PCDHGA4: variants seen among roughly 807,000 people sequenced by gnomAD.
PCDHGA4 encodes the protein protocadherin gamma subfamily A, 4.
In PCDHGA4, 38 loss-of-function variants were observed where a neutral mutation model predicts 54.6. The observed-to-expected ratio is 0.70, with a 90% confidence interval of 0.54 to 0.91. The LOEUF (loss-of-function observed/expected upper bound fraction) is 0.91. Ranked by LOEUF, PCDHGA4 falls within the 40% of genes least tolerant of loss-of-function variation. The probability of loss-of-function intolerance (pLI) is 0.00; values close to 1 mark genes in which losing one functional copy is unlikely to be tolerated. For synonymous variants in PCDHGA4, 511 were observed against 512.9 expected (o/e 1.00, Z 0.05); for missense variants, 1,298 against 1,220.9 (o/e 1.06, Z -0.94).
At chr5:141,421,474 G>T (rs1320526226) in intron 1 of PCDHGA4, 3 of 1,614,014 alleles carry the variant, frequency 1.9e-6, no homozygotes, top group African/African-American at 2.7e-5. Flanking sequence ...TCCGCGAAGC[G>T]GCAGCTTGAT....
chr5:141,453,888 C>T (rs1273180395), intron 1 of PCDHGA4, among the ~76,000 whole-genome samples: 2 of 152,198 alleles, frequency 1.3e-5, no homozygotes, highest in East Asian at 1.9e-4. Flanking sequence ...TGTGGCCAAT[C>T]ACATGACTTC....
chr5:141,474,908 T>C (rs1016814167), intron 1 of PCDHGA4, among the ~76,000 whole-genome samples: 7 of 152,242 alleles, frequency 4.6e-5, no homozygotes, highest in African/African-American at 1.4e-4. Flanking sequence ...TGTTCAAGGA[T>C]ATACATCTCA....
In PCDHGA4 at chr5:141,486,600, C is replaced by G. The variant is rs748395954; in HGVS notation, c.2515-8207C>G. Reference sequence around the variant, plus strand: ...AATCGCCCAGGGGACCTGCTTTGCTCCCTTGCAGCCTCTGACCCAGACTCT... The same window carrying G: ...AATCGCCCAGGGGACCTGCTTTGCTGCCTTGCAGCCTCTGACCCAGACTCT... On this transcript the variant is annotated intron_variant, in intron 1 of 3. Transcript: ENST00000571252. This position sits in a 1 kb window ranked among gnomAD's most constrained non-coding sequence, Gnocchi z 5.0. 21 of 1,613,602 alleles carry G rather than the reference C, an allele frequency of 1.3e-5. No individual in the cohort carries two copies. Among genetic ancestry groups the G allele is most frequent in the South Asian group, 2.2e-5 (2 of 91,086 alleles).
intron 1 of PCDHGA4, among the ~76,000 whole-genome samples, chr5:141,460,807 A>G (rs2098998307): frequency 6.6e-6 from 1 of 151,962 alleles, no homozygotes; most frequent in Non-Finnish European, 1.5e-5. Context: ...ATATATATGT[A>G]TGTATACATA....
At chr5:141,497,742 T>C (rs2099779149) in intron 2 of PCDHGA4, among the ~76,000 whole-genome samples, 1 of 152,128 alleles carries the variant, frequency 6.6e-6, no homozygotes, top group South Asian at 2.1e-4. Context: ...TTTCGCCACG[T>C]TGGCCAGGCT....
chr5:141,487,029 T>C lies in PCDHGA4; in HGVS notation c.2515-7778T>C. 1.2e-6 allele frequency: 2 copies of C among 1,614,226 alleles called. No individual in the cohort carries two copies. Among genetic ancestry groups the C allele is most frequent in the Non-Finnish European group, 1.7e-6 (2 of 1,180,040 alleles). ...CTGGAGGCCCCAGATCCCAGCCTGT[T>C]TGCAGTCTCTCGATATGCTGGGGAG... is the stretch of plus-strand genomic sequence containing the variant. On this transcript the variant is annotated intron_variant, in intron 1 of 3. Coordinates refer to ENST00000571252, the MANE Select transcript of PCDHGA4 (RefSeq NM_018917.4). The surrounding 1 kb of genome is among the most constrained non-coding windows in gnomAD (Gnocchi z 5.0).
intron 1 of PCDHGA4, chr5:141,366,251 A>T: frequency 6.2e-7 from 1 of 1,613,620 alleles, no homozygotes; most frequent in East Asian, 2.2e-5. Flanking sequence ...GCTCAAGCAG[A>T]GCCTCGTGGT....
intron 1 of PCDHGA4, chr5:141,399,780 A>C (rs1444494014): frequency 6.2e-7 from 1 of 1,613,170 alleles, no homozygotes; most frequent in Non-Finnish European, 8.5e-7. Flanking sequence ...TGGGCGACCG[A>C]AACGACAACG....
intron 1 of PCDHGA4, chr5:141,382,944 G>A (rs375823415): frequency 6.3e-7 from 1 of 1,596,888 alleles, no homozygotes; most frequent in Non-Finnish European, 8.6e-7. Flanking sequence ...GATTCTTCCT[G>A]CTCTCCATCC....
rs1452737362 is a variant in PCDHGA4, at chr5:141,432,324, A to G, written c.2515-62483A>G. On this transcript the variant is annotated intron_variant, in intron 1 of 3. Transcript: ENST00000571252. The surrounding 1 kb of genome is among the most constrained non-coding windows in gnomAD (Gnocchi z 6.0). ...CTGTATGCGCTGAGCTCCTTCGACTACGAGCAGTTCCGAGACTTGCAAGTG... is the reference window on the plus strand; with the variant it reads ...CTGTATGCGCTGAGCTCCTTCGACTGCGAGCAGTTCCGAGACTTGCAAGTG... 3 of 1,614,058 alleles carry G rather than the reference A, an allele frequency of 1.9e-6. No homozygotes were observed. The highest frequency in any genetic ancestry group is 2.7e-5 in the African/African-American group (2 of 74,910).
At chr5:141,417,068 T>C (rs1433034146) in intron 1 of PCDHGA4, 1 of 152,154 alleles carries the variant, frequency 6.6e-6, no homozygotes, top group African/African-American at 2.4e-5. Context: ...ATTGTAGCTA[T>C]TGTGAGAAAA....
chr5:141,376,685 T>TTGTTTGTTTG (rs1554084826), intron 1 of PCDHGA4: 2 of 813,646 alleles, frequency 2.5e-6, no homozygotes, highest in African/African-American at 3.8e-5. Flanking sequence ...CGTTTTTTTT[T>TTGTTTGTTTG]TTTTTTTTTT....
intron 1 of PCDHGA4, chr5:141,398,722 A>T: frequency 1.9e-6 from 3 of 1,613,816 alleles, no homozygotes; most frequent in Non-Finnish European, 2.5e-6. Context: ...ACTGGAGAAA[A>T]CCTTAGACCG....
At chr5:141,370,696 C>T in intron 1 of PCDHGA4, 2 of 1,613,694 alleles carry the variant, frequency 1.2e-6, no homozygotes, top group Non-Finnish European at 1.7e-6. Context: ...AAGAAGTCGA[C>T]GTGTGTTCTG....
intron 1 of PCDHGA4, chr5:141,371,505 A>G: frequency 6.2e-7 from 1 of 1,613,908 alleles, no homozygotes; most frequent in Non-Finnish European, 8.5e-7. Flanking sequence ...CCTGATCAAA[A>G]CACATGATCT....
At chr5:141,425,209 A>ATCAT (rs1368049572) in intron 1 of PCDHGA4, among the ~76,000 whole-genome samples, 2 of 152,180 alleles carry the variant, frequency 1.3e-5, no homozygotes, top group Admixed American at 1.3e-4. Flanking sequence ...GATGTAAGGC[A>ATCAT]TTGTACTTTG....
At chr5:141,449,106 T>A (rs2154562506) in intron 1 of PCDHGA4, among the ~76,000 whole-genome samples, 2 of 152,314 alleles carry the variant, frequency 1.3e-5, no homozygotes, top group East Asian at 3.9e-4. Context: ...ATGCAGTATA[T>A]CTTTGGGATG....
intron 2 of PCDHGA4, among the ~76,000 whole-genome samples, chr5:141,504,506 A>T (rs575756846): frequency 1.3e-5 from 2 of 152,096 alleles, no homozygotes; most frequent in African/African-American, 4.8e-5. Context: ...GTCTGAGTGG[A>T]TCTCCTCTGA....
chr5:141,364,408 A>G (rs573254227), intron 1 of PCDHGA4: 30 of 1,610,674 alleles, frequency 1.9e-5, no homozygotes, highest in Non-Finnish European at 2.4e-5. Flanking sequence ...TGTGCGAGCC[A>G]GGATCCGGGC....
Sources: allele counts gnomAD v4.1 joint callset (sites outside exome capture counted in the v4.1 genomes callset), GRCh38; gene constraint gnomAD v4.1.1; non-coding constraint Gnocchi (gnomAD v3.1); transcripts MANE v1.5; gene names NCBI Gene and HGNC (gene_info 2026-07-23, HGNC 2026-07-21).